The following GALNT16 variants were observed in gnomAD, a reference collection of about 807,000 sequenced individuals.
GALNT16 encodes the protein UDP-GalNAc:polypeptide N-acetylgalactosaminyltransferase-like protein 1.
GALNT16 carries 40 observed loss-of-function variants against 76.1 expected under a neutral mutation model. The ratio of observed to expected loss-of-function variants is 0.53; its 90% confidence interval spans 0.41 to 0.68. The LOEUF (loss-of-function observed/expected upper bound fraction) is 0.68. GALNT16 is among the 30% of genes least tolerant of loss of function. The pLI, the probability that GALNT16 is intolerant of heterozygous loss-of-function variation, is 0.00. For synonymous variants in GALNT16, 276 were observed against 285.2 expected, an observed-to-expected ratio of 0.97 and a Z score of 0.32; for missense variants, 621 against 731.9, an observed-to-expected ratio of 0.85 and a Z score of 1.75.
At chr14:69,269,468 T>A (rs1204003136) in intron 1 of GALNT16, among the ~76,000 whole-genome samples, 1 of 151,486 alleles carries the variant, frequency 6.6e-6, no homozygotes, top group East Asian at 1.9e-4. Context: ...GGTTTGTGTA[T>A]GTGTGTGTAG....
intron 1 of GALNT16, among the ~76,000 whole-genome samples, chr14:69,263,001 T>A (rs531800755): frequency 1.3e-5 from 2 of 151,928 alleles, no homozygotes; most frequent in South Asian, 2.1e-4. Flanking sequence ...TGCCTCAGCC[T>A]CTCGAGCAGC....
In GALNT16 at chr14:69,333,439, A is replaced by G; in HGVS notation, c.864-58A>G. 1 of 1,067,826 alleles carries G rather than the reference A, an allele frequency of 9.4e-7. No individual in the cohort carries two copies. The allele number at this position is 1,067,826 out of a possible 1,614,324, so 66.1% of individuals were successfully genotyped here. On this transcript the variant is annotated intron_variant, in intron 8 of 14. Coordinates refer to ENST00000448469, the MANE Select transcript of GALNT16 (RefSeq NM_001168368.2). The surrounding 1 kb of genome is among the most constrained non-coding windows in gnomAD (Gnocchi z 4.2). ...ACGGTCTTGGGTCCTGGGGCCATCT[A>G]AAGGGCCTCCTTGCTTCTCCAGCTC...
At chr14:69,265,800 T>C (rs72720293) in intron 1 of GALNT16, among the ~76,000 whole-genome samples, 3,722 of 152,308 alleles carry the variant, frequency 0.024, 74 homozygotes, top group Non-Finnish European at 0.037. Flanking sequence ...TCACCGACTG[T>C]GTGTAGCCCA....
chr14:69,352,014 A>T lies in GALNT16; in HGVS notation c.1540-17A>T. ...TGTTTTCTCCTTCCTCTTCTAACCC[A>T]TCTCTGTTCCTCCTAGAAATGGAGG... On this transcript the variant is annotated splice_polypyrimidine_tract_variant and intron_variant, in intron 14 of 14. Coordinates refer to ENST00000448469, the MANE Select transcript of GALNT16 (RefSeq NM_001168368.2). 1 of 1,602,370 alleles carries T rather than the reference A, an allele frequency of 6.2e-7. No individual in the cohort carries two copies. The highest frequency in any genetic ancestry group is 8.5e-7 in the Non-Finnish European group (1 of 1,174,136).
downstream of GALNT16, among the ~76,000 whole-genome samples, chr14:69,360,663 T>A (rs1185005608): frequency 5.1e-5 from 7 of 138,254 alleles, no homozygotes; most frequent in South Asian, 2.3e-4. Flanking sequence ...GAGAGAAGAA[T>A]AGAAGAAAAA....
At chr14:69,279,145 T>A (rs1480235539) in intron 1 of GALNT16, among the ~76,000 whole-genome samples, 2 of 152,150 alleles carry the variant, frequency 1.3e-5, no homozygotes, top group Non-Finnish European at 2.9e-5. Flanking sequence ...TTGGCCAGGC[T>A]GGTCTCGAAA....
intron 12 of GALNT16, among the ~76,000 whole-genome samples, chr14:69,345,972 C>T (rs2045557811): frequency 1.3e-5 from 2 of 152,082 alleles, no homozygotes; most frequent in Non-Finnish European, 2.9e-5. Context: ...ACTGCAGCCT[C>T]AACTACCTGG....
At chr14:69,338,908 C>G in intron 10 of GALNT16, 131 bp downstream of exon 10, 1 of 692,646 alleles carries the variant, frequency 1.4e-6, no homozygotes, top group South Asian at 2.0e-5. Context: ...CCCATTTGCC[C>G]CCTCTGGTAA....
the GALNT16 span, among the ~76,000 whole-genome samples, chr14:69,378,047 AT>A: frequency 1.4e-3 from 210 of 152,234 alleles, 4 homozygotes; most frequent in Middle Eastern, 3.4e-3. Context: ...GTACAAAATT[AT>A]TTGCTCATCC....
chr14:69,322,932 G>A (rs1291221050), intron 2 of GALNT16, among the ~76,000 whole-genome samples: 5 of 45,562 alleles, frequency 1.1e-4, no homozygotes, highest in African/African-American at 9.8e-4. Flanking sequence ...CGGGGTGTGT[G>A]TGTGTGTGTG....
rs543131361 is a variant in GALNT16 at position 69,313,316 on chromosome 14, G to A, written c.178-7395G>A. Among the ~76,000 whole-genome samples, 4 of 152,334 alleles carry A rather than the reference G, an allele frequency of 2.6e-5. No homozygotes were observed. In the East Asian group the frequency reaches 7.7e-4, roughly 29 times the overall value. On this transcript the variant is annotated intron_variant, in intron 1 of 14. Coordinates refer to ENST00000448469, the MANE Select transcript of GALNT16 (RefSeq NM_001168368.2). ...CCGAGCATCACATATCTCTGGCATGGACCAGCCTCACACTCCCTCCATCCG... is the reference window on the plus strand; with the variant it reads ...CCGAGCATCACATATCTCTGGCATGAACCAGCCTCACACTCCCTCCATCCG...
chr14:69,369,610 T>C, the GALNT16 span, among the ~76,000 whole-genome samples: 1 of 152,196 alleles, frequency 6.6e-6, no homozygotes, highest in African/African-American at 2.4e-5. Context: ...ATCCATGTTG[T>C]TGGCCTCCCC....
chr14:69,273,488 G>T (rs895921132), intron 1 of GALNT16, among the ~76,000 whole-genome samples: 3 of 152,230 alleles, frequency 2.0e-5, no homozygotes, highest in Admixed American at 6.5e-5. Context: ...TCTGTAAAGG[G>T]CTTGGAAAGG....
chr14:69,369,092 GACTA>G, the GALNT16 span, among the ~76,000 whole-genome samples: 10 of 152,154 alleles, frequency 6.6e-5, no homozygotes, highest in African/African-American at 2.4e-4. Flanking sequence ...AATGATGACT[GACTA>G]ACTGATCGAG....
intron 9 of GALNT16, among the ~76,000 whole-genome samples, chr14:69,337,540 G>T (rs116398598): frequency 0.035 from 5,275 of 152,254 alleles, 124 homozygotes; most frequent in South Asian, 0.055. Flanking sequence ...GCAGATCTTC[G>T]GCCCCCCAGG....
rs541303914 is a variant in GALNT16 at position 69,281,009 on chromosome 14, C to T, written c.177+20542C>T. Among the ~76,000 whole-genome samples, 22 of 152,070 alleles carry T rather than the reference C, an allele frequency of 1.4e-4. 1 individual carries two copies. The highest frequency in any genetic ancestry group is 2.9e-4 in the African/African-American group (12 of 41,494). ...ATGGCTAATAAAAACACGGAGTCTT[C>T]GCCACATGCCCACACCAACCCCCGA... On this transcript the variant is annotated intron_variant, in intron 1 of 14. Coordinates refer to ENST00000448469, the MANE Select transcript of GALNT16 (RefSeq NM_001168368.2).
At chr14:69,276,497 A>C (rs1041931141) in intron 1 of GALNT16, among the ~76,000 whole-genome samples, 11 of 152,288 alleles carry the variant, frequency 7.2e-5, no homozygotes, top group South Asian at 2.1e-4. Flanking sequence ...CCTGGCCAAC[A>C]TGGTGAAGCC....
chr14:69,266,805 T>A (rs1250228718), intron 1 of GALNT16, among the ~76,000 whole-genome samples: 2 of 152,194 alleles, frequency 1.3e-5, no homozygotes, highest in African/African-American at 2.4e-5. Context: ...CCCCATGCAC[T>A]GAGGCCAGCC....
intron 1 of GALNT16, among the ~76,000 whole-genome samples, chr14:69,301,963 T>C (rs1214383545): frequency 1.3e-5 from 2 of 152,230 alleles, no homozygotes; most frequent in African/African-American, 4.8e-5. Context: ...TGGGTGACAG[T>C]GAGACCTCAT....
Sources: allele counts gnomAD v4.1 joint callset (sites outside exome capture counted in the v4.1 genomes callset), GRCh38; gene constraint gnomAD v4.1.1; non-coding constraint Gnocchi (gnomAD v3.1); transcripts MANE v1.5; gene names NCBI Gene and HGNC (gene_info 2026-07-23, HGNC 2026-07-21).